TJP2: variants seen among roughly 807,000 people sequenced by gnomAD.
TJP2 encodes the protein tight junction protein 2.
In TJP2, 91 loss-of-function variants were observed where a neutral mutation model predicts 133.1. The observed-to-expected ratio is 0.68, with a 90% confidence interval of 0.58 to 0.81. The LOEUF is 0.81. Among genes scored for constraint, TJP2 ranks in the 40% least tolerant of loss-of-function variants. The probability of loss-of-function intolerance (pLI) is 0.00; values close to 1 mark genes in which losing one functional copy is unlikely to be tolerated. For synonymous variants in TJP2, 592 were observed against 583.4 expected (o/e 1.01, Z -0.21); for missense variants, 1,541 against 1,565.6 (o/e 0.98, Z 0.26).
At chr9:69,230,391 C>T (rs568270329) in intron 11 of TJP2, among the ~76,000 whole-genome samples, 159 bp downstream of exon 11, 13 of 152,174 alleles carry the variant, frequency 8.5e-5, no homozygotes, top group Non-Finnish European at 1.5e-4. Flanking sequence ...TCCTCAAATG[C>T]GTCCTGTCTT....
intron 1 of TJP2, among the ~76,000 whole-genome samples, chr9:69,184,336 C>T (rs1016772872): frequency 3.3e-5 from 5 of 152,216 alleles, no homozygotes; most frequent in African/African-American, 1.2e-4. Flanking sequence ...AAGCTGCTGC[C>T]ACCCAGAGAA....
rs186709701 is a variant in TJP2, at chr9:69,141,643, G to A, written c.-130-10008G>A. Among the ~76,000 whole-genome samples the A allele has an allele frequency of 7.2e-5, 11 of 152,312 alleles. No individual in the cohort carries two copies. In the East Asian group the frequency reaches 2.1e-3, roughly 29 times the overall value. Reference sequence around the variant, plus strand: ...GTCTCACTCTGTCACTCAGGCTGGAGTGTAGTGTCATGATCTTGGCTCACT... The same window carrying A: ...GTCTCACTCTGTCACTCAGGCTGGAATGTAGTGTCATGATCTTGGCTCACT... On this transcript the variant is annotated intron_variant, in intron 1 of 5. Transcript: ENST00000423935.
chr9:69,121,353 C>T (rs941476285), upstream of TJP2: 8 of 985,302 alleles, frequency 8.1e-6, no homozygotes, highest in African/African-American at 1.2e-4. Flanking sequence ...ACCCTCCGGT[C>T]TCAAGGAAGC....
At chr9:69,179,656 C>T (rs937886001) in intron 1 of TJP2, among the ~76,000 whole-genome samples, 12 of 152,010 alleles carry the variant, frequency 7.9e-5, no homozygotes, top group Non-Finnish European at 1.5e-5. Context: ...CCCGCCACCA[C>T]GCCCGGCTAA....
chr9:69,220,704 G>A (rs1021756195), intron 4 of TJP2, among the ~76,000 whole-genome samples, 183 bp from the exon 5 acceptor site: 2 of 152,168 alleles, frequency 1.3e-5, no homozygotes, highest in African/African-American at 4.8e-5. Flanking sequence ...AGAGCTTCAC[G>A]GTCATTGTCC....
rs199841985 is a variant in TJP2 at position 69,130,738 on chromosome 9, C to T, written c.-131+9013C>T. Among the ~76,000 whole-genome samples the T allele has an allele frequency of 4.0e-5, 6 of 151,854 alleles. No homozygotes were observed. The East Asian group carries it at 7.7e-4, about 20-fold the overall frequency. ...AGGGCGCATAGACAAGTGCTGAGGACGAATTGAGGAATACTGTGGGGAGGG... is the reference window on the plus strand; with the variant it reads ...AGGGCGCATAGACAAGTGCTGAGGATGAATTGAGGAATACTGTGGGGAGGG... On this transcript the variant is annotated intron_variant, in intron 1 of 5. Transcript: ENST00000423935.
chr9:69,130,015 C>CAAAAAAAAAAAAAAAAAAAAAAAAAA (rs11355311), intron 1 of TJP2, among the ~76,000 whole-genome samples: 1 of 94,176 alleles, frequency 1.1e-5, no homozygotes, highest in African/African-American at 4.1e-5. Context: ...AACTCTGCCT[C>CAAAAAAAAAAAAAAAAAAAAAAAAAA]AAAAAAAAAA....
chr9:69,158,526 CAGCACTAAATAAA>C (rs1823893316), intron 2 of TJP2, among the ~76,000 whole-genome samples: 4 of 152,030 alleles, frequency 2.6e-5, no homozygotes, highest in Admixed American at 2.6e-4. Context: ...GGGCTGCGCA[CAGCACTAAATAAA>C]AGCACTTCCC....
rs372316289 is a variant in TJP2 at position 69,212,465 on chromosome 9, C to T, written c.61-83C>T. On this transcript the variant is annotated intron_variant, in intron 1 of 22. Transcript: ENST00000377245. ...AGAAAGTGTGAGCTGGACTTTATGT[C>T]GAGGCATTTTGAATGATAATTTTAT... 43 of 1,047,576 alleles carry T rather than the reference C, an allele frequency of 4.1e-5. No individual in the cohort carries two copies. In the East Asian group the frequency reaches 5.9e-4, roughly 14 times the overall value. The allele number at this position is 1,047,576 out of a possible 1,614,324, so 64.9% of individuals were successfully genotyped here. A position where few individuals can be genotyped will look rare whatever the true frequency, so the allele number is the denominator to read the frequency against.
At chr9:69,238,023 T>C (rs1161128728) in intron 15 of TJP2, 50 bp downstream of exon 15, 1 of 1,369,008 alleles carries the variant, frequency 7.3e-7, no homozygotes, top group Non-Finnish European at 1.0e-6. Context: ...TTTGAAAAAT[T>C]TCTAACAGAG....
In TJP2 at chr9:69,202,297, A is replaced by G. The variant is rs566978799; in HGVS notation, c.61-10251A>G. Among the ~76,000 whole-genome samples, 21 of 152,286 alleles carry G rather than the reference A, an allele frequency of 1.4e-4. No individual in the cohort carries two copies. In the South Asian group the frequency reaches 4.4e-3, roughly 32 times the overall value. On this transcript the variant is annotated intron_variant, in intron 1 of 22. Coordinates refer to ENST00000377245, the MANE Select transcript of TJP2 (RefSeq NM_004817.4). ...TTTTGTAAGAGCACAAATCCCATTCATGAGGTTGGAGCCCTCTTAATCACC... is the reference window on the plus strand; with the variant it reads ...TTTTGTAAGAGCACAAATCCCATTCGTGAGGTTGGAGCCCTCTTAATCACC...
chr9:69,200,777 G>A (rs1826930427), intron 1 of TJP2, among the ~76,000 whole-genome samples: 1 of 151,992 alleles, frequency 6.6e-6, no homozygotes, highest in Non-Finnish European at 1.5e-5. Flanking sequence ...TTTCCTAAAT[G>A]TACTAAGCTT....
intron 1 of TJP2, among the ~76,000 whole-genome samples, chr9:69,195,476 A>G (rs550388084): frequency 1.9e-4 from 29 of 152,166 alleles, no homozygotes; most frequent in Admixed American, 3.3e-4. Context: ...TTTGCATTCA[A>G]ATTGTGACCA....
chr9:69,133,546 C>CTTTTTTTTTTTTTTT (rs10577570), intron 1 of TJP2, among the ~76,000 whole-genome samples: 2 of 104,784 alleles, frequency 1.9e-5, no homozygotes, highest in Admixed American at 1.1e-4. Flanking sequence ...ATTTTTCTGG[C>CTTTTTTTTTTTTTTT]TTTTTTTTTT....
At chr9:69,227,573 T>G (rs1829445228) in intron 7 of TJP2, among the ~76,000 whole-genome samples, 192 bp from the exon 8 acceptor site, 2 of 152,200 alleles carry the variant, frequency 1.3e-5, no homozygotes, top group South Asian at 4.1e-4. Context: ...GCCTTCCCCT[T>G]TATTAATTAA....
Position 69,123,507 on chromosome 9 carries a change from G to T in TJP2, c.-131+1782G>T, listed in dbSNP as rs1173079314. 2.6e-5 allele frequency among the ~76,000 whole-genome samples: 2 copies of T among 76,692 alleles called. 1 individual carries two copies. The highest frequency in any genetic ancestry group is 6.0e-5 in the Non-Finnish European group (2 of 33,464). The allele number at this position is 76,692 out of a possible 152,430, so 50.3% of individuals were successfully genotyped here. ...ATTATATTTTTTGGAGGGAACAGAA[G>T]ATGTTGACTAAGAATGTACAGTAAA... On this transcript the variant is annotated intron_variant, in intron 1 of 5. Transcript: ENST00000423935.
At position 69,220,891 on chromosome 9, in the gene TJP2, T is replaced by C; in HGVS notation, c.347T>C (p.Val116Ala). 6.2e-7 allele frequency: 1 copy of C among 1,612,240 alleles called. No individual in the cohort carries two copies. Among genetic ancestry groups the C allele is most frequent in the Non-Finnish European group, 8.5e-7 (1 of 1,180,014 alleles). Reference sequence around the variant, plus strand: ...CTGAGTTTGTTTTGACAACAGGTGGTCAAGAGGCCCCGGAAGGTCCAGGTG... The same window carrying C: ...CTGAGTTTGTTTTGACAACAGGTGGCCAAGAGGCCCCGGAAGGTCCAGGTG... ...RKSGKVAAIVVKRPRKVQVAA... is the reference protein window; with the variant it reads ...RKSGKVAAIVAKRPRKVQVAA... The change falls in exon 5 of 23, where the codon GTC becomes GCC. Residue 116 changes from valine (V) to alanine (A), a missense_variant. By Grantham distance (64) the Val-to-Ala change is moderately conservative (BLOSUM62 0). Coordinates refer to ENST00000377245, the MANE Select transcript of TJP2 (RefSeq NM_004817.4).
At chr9:69,175,224 G>T (rs568742581) in intron 1 of TJP2, among the ~76,000 whole-genome samples, 1 of 152,310 alleles carries the variant, frequency 6.6e-6, no homozygotes, top group East Asian at 1.9e-4. Context: ...TTTTCTGGCA[G>T]CTGTCTGGCC....
chr9:69,161,783 C>G (rs986477562), intron 2 of TJP2, among the ~76,000 whole-genome samples: 1 of 149,830 alleles, frequency 6.7e-6, no homozygotes, highest in Non-Finnish European at 1.5e-5. Context: ...TGTGGTGGCT[C>G]ACGCCTGTAA....
Sources: allele counts gnomAD v4.1 joint callset (sites outside exome capture counted in the v4.1 genomes callset), GRCh38; gene constraint gnomAD v4.1.1; transcripts MANE v1.5; gene names NCBI Gene and HGNC (gene_info 2026-07-23, HGNC 2026-07-21).